TRMT5: variants seen among roughly 807,000 people sequenced by gnomAD.
TRMT5 encodes tRNA methyltransferase 5.
In TRMT5, 31 loss-of-function variants were observed where a neutral mutation model predicts 42.2. The observed-to-expected ratio is 0.73, with a 90% CI of 0.55 to 0.99. TRMT5 has a LOEUF of 0.99. Ranked by LOEUF, TRMT5 falls within the 50% of genes least tolerant of loss-of-function variation. The probability of loss-of-function intolerance (pLI) is 0.00; values close to 1 mark genes in which losing one functional copy is unlikely to be tolerated. For synonymous variants in TRMT5, 198 were observed against 209.6 expected, an observed-to-expected ratio of 0.94 and a Z score of 0.48; for missense variants, 568 against 595.0, an observed-to-expected ratio of 0.95 and a Z score of 0.47.
Position 60,975,830 on chromosome 14 carries a change from T to C in TRMT5, c.1089A>G (p.Pro363=). ...NLDGKDFLQG[P]VKEELMQLLG... ...GCAGCTGCATTAACTCTTCTTTGAC[T>C]GGTCCTTGGAGGAAGTCTTTCCCAT... is the stretch of plus-strand genomic sequence containing the variant. Residue 363 remains proline (P), a synonymous_variant, in exon 4 of 5, where the codon CCA becomes CCG. Transcript: ENST00000261249. 11 of 1,614,236 alleles carry C rather than the reference T, an allele frequency of 6.8e-6. No individual in the cohort carries two copies. The highest frequency in any genetic ancestry group is 9.3e-6 in the Non-Finnish European group (11 of 1,180,036).
chr14:60,979,276 G>T lies in TRMT5; in HGVS notation c.622C>A (p.His208Asn), dbSNP rs757884492. Residue 208 changes from histidine (H) to asparagine (N), a missense_variant, in exon 2 of 5, where the codon CAC becomes AAC. Physicochemically the swap from His to Asn is moderately conservative, Grantham distance 68. Transcript: ENST00000261249. The stretch of plus-strand genomic sequence containing the variant: ...AGCTGATGATCTCGAAGGTTTAGGT[G>T]TGCAATATGTCCAATCCTGCTAAAC... ...SGFSRIGHIAHLNLRDHQLPF... is the reference protein window; with the variant it reads ...SGFSRIGHIANLNLRDHQLPF... 3.7e-6 allele frequency: 6 copies of T among 1,613,816 alleles called. No homozygotes were observed. The South Asian group carries it at 6.6e-5, about 18-fold the overall frequency.
intron 4 of TRMT5, 61 bp from the exon 5 acceptor site, chr14:60,975,255 A>G: frequency 4.9e-6 from 7 of 1,438,154 alleles, no homozygotes; most frequent in Non-Finnish European, 6.6e-6. Flanking sequence ...ATACTCTTAA[A>G]AAAACAAACA....
At chr14:60,980,585 T>C (rs1489183954) in intron 1 of TRMT5, among the ~76,000 whole-genome samples, 1 of 152,222 alleles carries the variant, frequency 6.6e-6, no homozygotes, top group Non-Finnish European at 1.5e-5. Flanking sequence ...TTGCTGATTG[T>C]TATATGCATA....
chr14:60,976,843 G>A (rs1200318517), intron 3 of TRMT5, among the ~76,000 whole-genome samples: 1 of 151,994 alleles, frequency 6.6e-6, no homozygotes, highest in Non-Finnish European at 1.5e-5. Context: ...GTCTATTGTA[G>A]TAGACACCTT....
chr14:60,981,152 C>A (rs2139650320), upstream of TRMT5: 1 of 1,541,588 alleles, frequency 6.5e-7, no homozygotes, highest in Non-Finnish European at 8.8e-7. Flanking sequence ...TCCTTCCAGG[C>A]CCTGGTGAAG....
intron 2 of TRMT5, 73 bp from the exon 3 acceptor site, chr14:60,977,711 A>T: frequency 7.1e-7 from 1 of 1,414,878 alleles, no homozygotes; most frequent in Non-Finnish European, 9.5e-7. Context: ...TTAATATGAA[A>T]CAGAAATGAG....
rs977180513 is a variant in TRMT5 at position 60,981,001 on chromosome 14, G to A, written c.-28C>T. ...CAATTCCCCACGTCGCTCTGCAGCT[G>A]GATCCGCGAGCCGACCCCTCACCTC... is the stretch of plus-strand genomic sequence containing the variant. On this transcript the variant is annotated 5_prime_UTR_variant, in exon 1 of 5. Transcript: ENST00000261249. 1.2e-6 allele frequency: 2 copies of A among 1,610,014 alleles called. No individual in the cohort carries two copies. The highest frequency in any genetic ancestry group is 3.3e-5 in the Admixed American group (2 of 60,020).
chr14:60,979,945 T>TCTA, intron 1 of TRMT5, 59 bp from the exon 2 acceptor site: 1 of 1,481,330 alleles, frequency 6.8e-7, no homozygotes, highest in East Asian at 2.3e-5. Flanking sequence ...AAATCTAAAT[T>TCTA]CTACTATCTC....
chr14:60,981,427 T>G, upstream of TRMT5: 1 of 1,552,646 alleles, frequency 6.4e-7, no homozygotes, highest in Non-Finnish European at 8.7e-7. Flanking sequence ...CCCTCCGGCT[T>G]CCCTCAAGTG....
At chr14:60,981,595 A>T (rs2037025779), upstream of TRMT5, 1 of 1,502,070 alleles carries the variant, frequency 6.7e-7, no homozygotes, top group African/African-American at 1.4e-5. Context: ...CTAGAAAGAA[A>T]AGATGAAAAG....
upstream of TRMT5, chr14:60,981,089 AC>A: frequency 6.3e-7 from 1 of 1,598,616 alleles, no homozygotes; most frequent in Non-Finnish European, 8.5e-7. Flanking sequence ...TGACATCATC[AC>A]TGTTCGCCGC....
chr14:60,981,669 G>A (rs371089877), upstream of TRMT5: 51 of 1,408,960 alleles, frequency 3.6e-5, no homozygotes, highest in East Asian at 6.3e-4. Flanking sequence ...AGCGGCCCTA[G>A]GATTATGTAC....
rs1368639462 is a variant in TRMT5 at position 60,979,858 on chromosome 14, C to T, written c.40G>A (p.Gly14Arg). ...WILWRPFGFS[G>R]RFLKLESHSI... ...TGGCTTTCCAGTTTCAGAAATCTTC[C>T]TGAGAATCCAAATGGCCTCCATAAG... is the stretch of plus-strand genomic sequence containing the variant. The change falls in exon 2 of 5, where the codon GGA (glycine) becomes AGA (arginine). Residue 14 changes from glycine to arginine, a missense_variant. By Grantham distance (125) the Gly-to-Arg change is moderately radical. Coordinates refer to ENST00000261249, the MANE Select transcript of TRMT5 (RefSeq NM_020810.3). 1 of 1,586,662 alleles carries T rather than the reference C, an allele frequency of 6.3e-7. No individual in the cohort carries two copies. The highest frequency in any genetic ancestry group is 8.6e-7 in the Non-Finnish European group (1 of 1,167,812).
chr14:60,979,329 A>C lies in TRMT5; in HGVS notation c.569T>G (p.Leu190Arg). The C allele has an allele frequency of 2.5e-6, 4 of 1,614,182 alleles. No individual in the cohort carries two copies. The highest frequency in any genetic ancestry group is 3.4e-6 in the Non-Finnish European group (4 of 1,180,014). ...FKSEEILRAV[L>R]PEGQDVTSGF... is the part of the protein sequence containing the mutation. ...TGAAGTTACATCTTGACCTTCAGGA[A>C]GCACAGCTCTCAAGATTTCTTCTGA... Residue 190 changes from leucine to arginine, a missense_variant, in exon 2 of 5, where the codon CTT becomes CGT. Leu to Arg is a moderately radical substitution (Grantham distance 102). Transcript: ENST00000261249.
rs575657296 is a variant in TRMT5, at chr14:60,975,394, G to A, written c.1444+81C>T. 69 of 1,519,428 alleles carry A rather than the reference G, an allele frequency of 4.5e-5. 1 individual carries two copies. In the South Asian group the frequency reaches 8.0e-4, roughly 18 times the overall value. 94.1% of individuals were successfully genotyped at this position (1,519,428 alleles called of 1,614,324 possible). A position where few individuals can be genotyped will look rare whatever the true frequency, so the allele number is the denominator to read the frequency against. ...CTTTCTATTAGACTGAACTAATACTGCATTAAAATTTGTAAAACTGGGAGG... is the reference window on the plus strand; with the variant it reads ...CTTTCTATTAGACTGAACTAATACTACATTAAAATTTGTAAAACTGGGAGG... On this transcript the variant is annotated intron_variant, in intron 4 of 4. Transcript: ENST00000261249.
Position 60,975,850 on chromosome 14 carries a change from T to A in TRMT5, c.1069A>T (p.Lys357Ter). Residue 357 changes from lysine (K) to a stop codon, truncating the protein, a stop_gained, in exon 4 of 5, where the codon AAA (lysine) becomes TAA (stop). Coordinates refer to ENST00000261249, the MANE Select transcript of TRMT5 (RefSeq NM_020810.3). LOFTEE classifies it high-confidence loss of function. ...QKVKVFNLDG[K>*]DFLQGPVKEE... ...TTGACTGGTCCTTGGAGGAAGTCTTTCCCATCCAAGTTGAAGACTTTCACC... is the reference window on the plus strand; with the variant it reads ...TTGACTGGTCCTTGGAGGAAGTCTTACCCATCCAAGTTGAAGACTTTCACC... 1 of 1,614,228 alleles carries A rather than the reference T, an allele frequency of 6.2e-7. No individual in the cohort carries two copies. The highest frequency in any genetic ancestry group is 1.1e-5 in the South Asian group (1 of 91,084).
At position 60,978,039 on chromosome 14, in the gene TRMT5, G is replaced by A. The variant is rs899793756; in HGVS notation, c.668-401C>T. On this transcript the variant is annotated intron_variant, in intron 2 of 4. Transcript: ENST00000261249. ...CTCAGAAAACAGTAAAACATCTGCCGGTTCCACTGGCCTCAAGCCAAATGT... is the reference window on the plus strand; with the variant it reads ...CTCAGAAAACAGTAAAACATCTGCCAGTTCCACTGGCCTCAAGCCAAATGT... Among the ~76,000 whole-genome samples, 11 of 152,044 alleles carry A rather than the reference G, an allele frequency of 7.2e-5. 1 individual carries two copies. The highest frequency in any genetic ancestry group is 3.3e-4 in the Admixed American group (5 of 15,258).
chr14:60,979,460 A>G lies in TRMT5; in HGVS notation c.438T>C (p.Phe146=). The stretch of plus-strand genomic sequence containing the variant: ...CTGCTTTCTCAAAGGAATCATGAGT[A>G]AATATTTTATAGGGATCCAACATGA... ...RLIMLDPYKI[F]THDSFEKAEL... Residue 146 remains phenylalanine (F), a synonymous_variant, in exon 2 of 5, where the codon TTT becomes TTC. Coordinates refer to ENST00000261249, the MANE Select transcript of TRMT5 (RefSeq NM_020810.3). The G allele has an allele frequency of 6.2e-7, 1 of 1,614,210 alleles. No homozygotes were observed. The highest frequency in any genetic ancestry group is 8.5e-7 in the Non-Finnish European group (1 of 1,180,026).
chr14:60,981,336 A>C (rs1594933377), upstream of TRMT5: 2 of 1,610,680 alleles, frequency 1.2e-6, no homozygotes, highest in Admixed American at 1.7e-5. Flanking sequence ...TCTGTCCAGC[A>C]GCCTGAAGAA....
Sources: allele counts gnomAD v4.1 joint callset (sites outside exome capture counted in the v4.1 genomes callset), GRCh38; gene constraint gnomAD v4.1.1; transcripts MANE v1.5; gene names NCBI Gene and HGNC (gene_info 2026-07-23, HGNC 2026-07-21).